Variants in TRIM16 observed in about 807,000 individuals in gnomAD.
The protein encoded by TRIM16 is tripartite motif-containing protein 16.
In TRIM16, 33 loss-of-function variants were observed where a neutral mutation model predicts 50.4. The ratio of observed to expected loss-of-function variants is 0.65; its 90% CI spans 0.50 to 0.88. The LOEUF is 0.88. TRIM16 is among the 40% of genes least tolerant of loss of function. TRIM16 has a pLI of 0.00. For synonymous variants in TRIM16, 229 were observed against 270.7 expected (o/e 0.85, Z 1.51); for missense variants, 581 against 686.8 (o/e 0.85, Z 1.72).
At chr17:15,656,055 T>C (rs961336896) in intron 6 of TRIM16, among the ~76,000 whole-genome samples, 39 of 152,258 alleles carry the variant, frequency 2.6e-4, no homozygotes, top group Admixed American at 1.6e-3. Flanking sequence ...GGCAGGGGCA[T>C]GGGATTAGGA....
intron 8 of TRIM16, among the ~76,000 whole-genome samples, chr17:15,636,878 G>A (rs953137877): frequency 5.3e-5 from 8 of 149,676 alleles, no homozygotes; most frequent in Middle Eastern, 3.4e-3. Context: ...GAAAACCCAT[G>A]TGAGAAACAT....
At position 15,682,781 on chromosome 17, in the gene TRIM16, G is replaced by A. The variant is rs2151433739; in HGVS notation, c.-679+73C>T. The A allele has an allele frequency of 2.3e-6, 3 of 1,321,258 alleles. No individual in the cohort carries two copies. The East Asian group carries it at 9.1e-5, about 40-fold the overall frequency. The allele number at this position is 1,321,258 out of a possible 1,614,324, so 81.8% of individuals were successfully genotyped here. A position where few individuals can be genotyped will look rare whatever the true frequency, so the allele number is the denominator to read the frequency against. ...ATAATGGAAAGAGTACGGAAGTAAG[G>A]TATCTTCTTTTTTCAGAGTTTCAAA... is the stretch of plus-strand genomic sequence containing the variant. On this transcript the variant is annotated intron_variant, in intron 3 of 11. Transcript: ENST00000649191.
intron 8 of TRIM16, 44 bp downstream of exon 8, chr17:15,642,677 C>T (rs1211187709): frequency 6.0e-6 from 4 of 665,672 alleles, no homozygotes; most frequent in East Asian, 3.5e-5. Flanking sequence ...TGCAGTACCA[C>T]GTCCCACACC....
chr17:15,658,744 A>G, intron 6 of TRIM16: 1 of 934,714 alleles, frequency 1.1e-6, no homozygotes. Flanking sequence ...TCTGAGAACC[A>G]CTGAGCTGGA....
intron 6 of TRIM16, among the ~76,000 whole-genome samples, chr17:15,665,375 G>C (rs1370926647): frequency 1.3e-5 from 2 of 152,190 alleles, no homozygotes; most frequent in African/African-American, 4.8e-5. Context: ...CGGGCATGGT[G>C]GTGGGTGCCT....
intron 6 of TRIM16, among the ~76,000 whole-genome samples, chr17:15,672,627 G>A (rs2601973): frequency 6.6e-6 from 1 of 152,168 alleles, no homozygotes; most frequent in African/African-American, 2.4e-5. Flanking sequence ...CCAGCTACTC[G>A]GGAGGCTGAG....
At chr17:15,665,165 C>T (rs1988429204) in intron 6 of TRIM16, among the ~76,000 whole-genome samples, 1 of 152,038 alleles carries the variant, frequency 6.6e-6, no homozygotes, top group South Asian at 2.1e-4. Context: ...TCACTGAAAA[C>T]CAACTTTTCA....
rs1191759074 is a variant in TRIM16 at position 15,636,176 on chromosome 17, A to C, written c.709T>G (p.Leu237Val). 4.5e-5 allele frequency: 73 copies of C among 1,609,582 alleles called. 1 individual carries two copies. Among genetic ancestry groups the C allele is most frequent in the Non-Finnish European group, 6.2e-5 (73 of 1,178,804 alleles). Residue 237 changes from leucine to valine, a missense_variant, in exon 9 of 12, where the codon TTA becomes GTA. By Grantham distance (32) the Leu-to-Val change is conservative. This residue lies in a region of TRIM16 where 450 missense variants were observed against 544.3 expected (regional missense o/e 0.83). Transcript: ENST00000649191. ...RKAQANVMLF[L>V]EEKEQAALSQ... ...AGCGCAGCTTGCTCCTTCTCCTCTA[A>C]GAAGAGCATCACATTGGCCTGGGCC...
intron 11 of TRIM16, among the ~76,000 whole-genome samples, chr17:15,630,058 C>G (rs1348345476): frequency 6.6e-6 from 1 of 152,190 alleles, no homozygotes; most frequent in Non-Finnish European, 1.5e-5. Context: ...AAAGCAGCAA[C>G]CCCTTGCCCT....
At chr17:15,645,035 G>C (rs1006431174) in intron 7 of TRIM16, among the ~76,000 whole-genome samples, 1 of 152,076 alleles carries the variant, frequency 6.6e-6, no homozygotes, top group South Asian at 2.1e-4. Context: ...AGACTGGTCT[G>C]GAACTCCTGA....
chr17:15,648,034 G>A (rs530901067), intron 7 of TRIM16, among the ~76,000 whole-genome samples: 1 of 152,008 alleles, frequency 6.6e-6, no homozygotes, highest in Admixed American at 6.5e-5. Context: ...GACCATCCTG[G>A]CTAACACGGT....
At chr17:15,658,342 G>A (rs1194891296) in intron 6 of TRIM16, among the ~76,000 whole-genome samples, 4 of 152,156 alleles carry the variant, frequency 2.6e-5, no homozygotes, top group Non-Finnish European at 1.5e-5. Flanking sequence ...GGCTAAAGAA[G>A]CTATCCAAGC....
At chr17:15,644,694 C>T (rs1295686443) in intron 7 of TRIM16, among the ~76,000 whole-genome samples, 1 of 152,178 alleles carries the variant, frequency 6.6e-6, no homozygotes, top group Non-Finnish European at 1.5e-5. Flanking sequence ...CCCTCAGCCA[C>T]CCAGTCATCT....
At position 15,628,804 on chromosome 17, in the gene TRIM16, C is replaced by T. The variant is rs750768610; in HGVS notation, c.1506G>A (p.Pro502=). 2.2e-5 allele frequency: 36 copies of T among 1,614,016 alleles called. No homozygotes were observed. The highest frequency in any genetic ancestry group is 7.7e-5 in the South Asian group (7 of 91,080). ...FRRLGVYIDF[P]GGILSFYGVE... ...CGCCATAGAAGGAAAGGATCCCTCC[C>T]GGGAAGTCGATATAGACCCCGAGCC... The change falls in exon 12 of 12, where the codon CCG becomes CCA. Residue 502 remains proline (P), a synonymous_variant. Transcript: ENST00000649191.
intron 6 of TRIM16, among the ~76,000 whole-genome samples, chr17:15,668,116 G>A (rs1265409520): frequency 6.6e-6 from 1 of 152,046 alleles, no homozygotes; most frequent in Non-Finnish European, 1.5e-5. Context: ...ATCTGCTTCC[G>A]CTGCTCTGAA....
At position 15,636,251 on chromosome 17, in the gene TRIM16, T is replaced by C; in HGVS notation, c.634A>G (p.Lys212Glu). The change falls in exon 9 of 12, where the codon AAA (lysine) becomes GAA (glutamate). Residue 212 changes from lysine to glutamate, a missense_variant. Around this residue, in one of 3 missense-constraint regions of TRIM16, gnomAD observed 450 missense variants for 544.3 expected, o/e 0.83. Transcript: ENST00000649191. Reference protein sequence around the residue: ...KSVLVSVSEVKAVAEMQFGEL... With the variant: ...KSVLVSVSEVEAVAEMQFGEL... Reference sequence around the variant, plus strand: ...CCAAACTGCATTTCAGCCACCGCTTTGACCTCTGACACCGACACCTGGCAG... The same window carrying C: ...CCAAACTGCATTTCAGCCACCGCTTCGACCTCTGACACCGACACCTGGCAG... 6.2e-7 allele frequency: 1 copy of C among 1,608,568 alleles called. No homozygotes were observed. The highest frequency in any genetic ancestry group is 8.5e-7 in the Non-Finnish European group (1 of 1,178,124).
At chr17:15,667,893 T>C in intron 6 of TRIM16, among the ~76,000 whole-genome samples, 1 of 152,132 alleles carries the variant, frequency 6.6e-6, no homozygotes, top group East Asian at 1.9e-4. Flanking sequence ...TTTCTTTTTT[T>C]TTTTTCTAGT....
chr17:15,679,804 G>C (rs1042304965), intron 4 of TRIM16, among the ~76,000 whole-genome samples: 15 of 152,134 alleles, frequency 9.9e-5, no homozygotes, highest in Admixed American at 7.2e-4. Flanking sequence ...GGGCGCGGTG[G>C]CGGGTGCCTG....
intron 6 of TRIM16, among the ~76,000 whole-genome samples, chr17:15,663,309 A>G (rs1988328136): frequency 6.6e-6 from 1 of 152,186 alleles, no homozygotes; most frequent in Non-Finnish European, 1.5e-5. Flanking sequence ...TTCTGCAGCC[A>G]TTAGATGCTG....
Sources: allele counts gnomAD v4.1 joint callset (sites outside exome capture counted in the v4.1 genomes callset), GRCh38; gene constraint gnomAD v4.1.1; regional missense constraint gnomAD v4.1.1; transcripts MANE v1.5; gene names NCBI Gene and HGNC (gene_info 2026-07-23, HGNC 2026-07-21).